Variants in RABEP1 observed in about 807,000 individuals in gnomAD.
The protein encoded by RABEP1 is rabaptin, RAB GTPase binding effector protein 1.
Under a neutral mutation model 123.4 loss-of-function variants are expected in RABEP1, and 51 were observed. That is an observed-to-expected ratio of 0.41 (90% CI 0.33 to 0.52). The LOEUF (loss-of-function observed/expected upper bound fraction) is 0.52. Ranked by LOEUF, RABEP1 falls within the 20% of genes least tolerant of loss-of-function variation. RABEP1 has a pLI of 0.16. For missense variants in RABEP1, 888 were observed against 996.3 expected, an observed-to-expected ratio of 0.89 and a Z score of 1.46; for synonymous variants, 347 against 355.2, an observed-to-expected ratio of 0.98 and a Z score of 0.26.
chr17:5,367,543 A>T (rs957500924), intron 11 of RABEP1, among the ~76,000 whole-genome samples: 1 of 151,836 alleles, frequency 6.6e-6, no homozygotes, highest in African/African-American at 2.4e-5. Flanking sequence ...TGCTAGGATT[A>T]CAGGCGTGAG....
chr17:5,323,207 C>A (rs1359604677), intron 2 of RABEP1, among the ~76,000 whole-genome samples: 1 of 152,150 alleles, frequency 6.6e-6, no homozygotes, highest in Non-Finnish European at 1.5e-5. Flanking sequence ...GAACATACCT[C>A]AAAATAATGA....
At chr17:5,363,672 GTTGA>G (rs1909763852) in intron 10 of RABEP1, among the ~76,000 whole-genome samples, 1 of 152,138 alleles carries the variant, frequency 6.6e-6, no homozygotes, top group African/African-American at 2.4e-5. Context: ...GAGATAAAAG[GTTGA>G]TTGTTGCCTC....
At position 5,385,966 on chromosome 17, in the gene RABEP1, A is replaced by C; in HGVS notation, c.*2743A>C. On this transcript the variant is annotated 3_prime_UTR_variant, in exon 18 of 18. Transcript: ENST00000537505. ...GTTCAGGGAGGTTCTGGCAGTGTGC[A>C]GTGTGAAATAATCCTGAGTCCTTGC... 2.2e-6 allele frequency: 1 copy of C among 460,404 alleles called. No homozygotes were observed. The highest frequency in any genetic ancestry group is 4.0e-5 in the Admixed American group (1 of 24,988). 28.5% of individuals were successfully genotyped at this position (460,404 alleles called of 1,614,324 possible).
At chr17:5,337,424 G>A (rs185817908) in intron 4 of RABEP1, among the ~76,000 whole-genome samples, 1,514 of 150,910 alleles carry the variant, frequency 0.01, 15 homozygotes, top group Non-Finnish European at 0.013. Flanking sequence ...GGTGGCTCAC[G>A]CCTGTAATCC....
At chr17:5,365,267 A>G in intron 11 of RABEP1, 29 bp downstream of exon 11, 7 of 1,403,540 alleles carry the variant, frequency 5.0e-6, no homozygotes, top group Non-Finnish European at 6.8e-6. Context: ...ACTGTGGCCC[A>G]TGAGGGATGA....
rs1318223017 is a variant in RABEP1, at chr17:5,282,491, C to A, written c.5C>A (p.Ala2Glu). The A allele has an allele frequency of 7.7e-7, 1 of 1,300,828 alleles. No homozygotes were observed. Among genetic ancestry groups the A allele is most frequent in the Non-Finnish European group, 9.8e-7 (1 of 1,022,126 alleles). 80.6% of individuals were successfully genotyped at this position (1,300,828 alleles called of 1,614,324 possible). A position where few individuals can be genotyped will look rare whatever the true frequency, so the allele number is the denominator to read the frequency against. The change falls in exon 1 of 18, where the codon GCG becomes GAG. Residue 2 changes from alanine (A) to glutamate (E), a missense_variant. By Grantham distance (107) the Ala-to-Glu change is moderately radical (BLOSUM62 -1). Coordinates refer to ENST00000537505, the MANE Select transcript of RABEP1 (RefSeq NM_004703.6). M[A>E]QPGPASQPDV... Reference sequence around the variant, plus strand: ...CCCGAGGCCGGCCGCCTGGTCATGGCGCAGCCGGGCCCGGCTTCCCAGCCT... The same window carrying A: ...CCCGAGGCCGGCCGCCTGGTCATGGAGCAGCCGGGCCCGGCTTCCCAGCCT...
intron 2 of RABEP1, among the ~76,000 whole-genome samples, chr17:5,315,356 A>G (rs1159959116): frequency 6.6e-6 from 1 of 152,226 alleles, no homozygotes; most frequent in Non-Finnish European, 1.5e-5. Flanking sequence ...TCTTCCTCCT[A>G]GTGAGACAAA....
chr17:5,378,100 C>A, intron 14 of RABEP1, 77 bp from the exon 15 acceptor site: 2 of 1,135,568 alleles, frequency 1.8e-6, no homozygotes, highest in Non-Finnish European at 2.6e-6. Flanking sequence ...TTGGGGGGTG[C>A]TCTAAAATTT....
At chr17:5,313,159 C>T (rs1022130891) in intron 2 of RABEP1, among the ~76,000 whole-genome samples, 2 of 152,108 alleles carry the variant, frequency 1.3e-5, no homozygotes, top group Non-Finnish European at 2.9e-5. Flanking sequence ...ATGAATTTAT[C>T]GTCTCCCTTT....
intron 2 of RABEP1, among the ~76,000 whole-genome samples, chr17:5,323,562 T>C (rs1331146971): frequency 6.6e-6 from 1 of 151,480 alleles, no homozygotes; most frequent in Non-Finnish European, 1.5e-5. Context: ...GTGAACAGCC[T>C]GAAAAAGAAA....
intron 12 of RABEP1, 101 bp from the exon 13 acceptor site, chr17:5,373,213 T>G: frequency 9.0e-7 from 1 of 1,109,974 alleles, no homozygotes; most frequent in Non-Finnish European, 1.3e-6. Context: ...ACCCCGTCCA[T>G]CCTCAGCACT....
intron 1 of RABEP1, among the ~76,000 whole-genome samples, chr17:5,298,881 T>G (rs1450271793): frequency 1.3e-5 from 2 of 152,034 alleles, no homozygotes; most frequent in African/African-American, 2.4e-5. Flanking sequence ...GGTCTCGATC[T>G]CCTGACCTCG....
chr17:5,330,491 G>A (rs1906426762), intron 2 of RABEP1, among the ~76,000 whole-genome samples: 1 of 152,144 alleles, frequency 6.6e-6, no homozygotes, highest in Non-Finnish European at 1.5e-5. Context: ...ATTTTTATAA[G>A]TAGTTAGAAA....
intron 11 of RABEP1, among the ~76,000 whole-genome samples, chr17:5,367,884 TAGCTGG>T (rs1910197166): frequency 6.6e-6 from 1 of 150,586 alleles, no homozygotes; most frequent in South Asian, 2.2e-4. Context: ...GCCTCCCGAG[TAGCTGG>T]AATACAGGTG....
At chr17:5,323,303 G>A (rs766349802) in intron 2 of RABEP1, among the ~76,000 whole-genome samples, 9 of 152,112 alleles carry the variant, frequency 5.9e-5, no homozygotes, top group African/African-American at 2.2e-4. Flanking sequence ...TCTGGAACAA[G>A]GACGCCCACT....
chr17:5,289,964 G>A (rs1377888747), intron 1 of RABEP1, among the ~76,000 whole-genome samples: 1 of 152,064 alleles, frequency 6.6e-6, no homozygotes, highest in East Asian at 1.9e-4. Flanking sequence ...GGAGAGAATT[G>A]CTTTTGAATC....
chr17:5,332,861 C>T (rs1363872841), intron 3 of RABEP1, among the ~76,000 whole-genome samples: 8 of 152,052 alleles, frequency 5.3e-5, no homozygotes, highest in South Asian at 2.1e-4. Context: ...CCACCTGCCT[C>T]GGCCTCCCAA....
chr17:5,330,745 G>T (rs1906452304), intron 2 of RABEP1, among the ~76,000 whole-genome samples: 1 of 151,942 alleles, frequency 6.6e-6, no homozygotes, highest in South Asian at 2.1e-4. Flanking sequence ...AGTTAAGGCC[G>T]GGCGCGGTGG....
intron 2 of RABEP1, among the ~76,000 whole-genome samples, chr17:5,328,380 C>G (rs1277443731): frequency 6.6e-6 from 1 of 152,046 alleles, no homozygotes; most frequent in Non-Finnish European, 1.5e-5. Context: ...CGTAGTAGCT[C>G]ATGCCTGTAA....
Sources: gnomAD v4.1 joint callset for allele counts (sites outside exome capture counted in the v4.1 genomes callset) on GRCh38, gnomAD v4.1.1 for gene constraint, MANE v1.5 for transcripts, NCBI Gene and HGNC (gene_info 2026-07-23, HGNC 2026-07-21) for gene names.